ACADVL: variants seen among roughly 807,000 people sequenced by gnomAD.
ACADVL encodes acyl-CoA dehydrogenase very long chain.
A neutral mutation model predicts 80.4 loss-of-function variants in ACADVL; 73 were observed. The observed-to-expected ratio is 0.91, with a 90% confidence interval of 0.75 to 1.10. ACADVL has a LOEUF of 1.10. ACADVL is among the 50% of genes least tolerant of loss of function. ACADVL has a pLI of 0.00. For synonymous variants in ACADVL, 392 were observed against 326.5 expected, an observed-to-expected ratio of 1.20 and a Z score of -2.16; for missense variants, 878 against 858.9, an observed-to-expected ratio of 1.02 and a Z score of -0.28.
intron 4 of ACADVL, 36 bp downstream of exon 4, chr17:7,220,712 G>T (rs1453915636): frequency 6.2e-7 from 1 of 1,614,200 alleles, no homozygotes; most frequent in East Asian, 2.2e-5. Flanking sequence ...GGTGGGGCCA[G>T]GGTGGTTTCC....
upstream of ACADVL, chr17:7,218,953 C>A (rs908055482): frequency 4.6e-5 from 59 of 1,270,568 alleles, no homozygotes; most frequent in African/African-American, 1.3e-4. Context: ...GTCTCTGAGC[C>A]GACCAGCTGT....
At chr17:7,222,502 C>T (rs2071278322) in intron 9 of ACADVL, 165 bp from the exon 10 acceptor site, 2 of 1,134,756 alleles carry the variant, frequency 1.8e-6, no homozygotes, top group Non-Finnish European at 2.5e-6. Context: ...TAGGACATAG[C>T]CAGGCCTCCT....
Position 7,222,874 on chromosome 17 carries a change from C to A in ACADVL, c.1077+9C>A. 1 of 1,610,160 alleles carries A rather than the reference C, an allele frequency of 6.2e-7. No individual in the cohort carries two copies. Among genetic ancestry groups the A allele is most frequent in the Non-Finnish European group, 8.5e-7 (1 of 1,179,934 alleles). On this transcript the variant is annotated intron_variant, in intron 10 of 19. Transcript: ENST00000356839. ...GCATCATTGCTAAGGCGGTGAGTACCCTGCCCGAGTCCCTAGGTAACCCAA... is the reference window on the plus strand; with the variant it reads ...GCATCATTGCTAAGGCGGTGAGTACACTGCCCGAGTCCCTAGGTAACCCAA...
chr17:7,224,892 T>G lies in ACADVL; in HGVS notation c.1827+8T>G. On this transcript the variant is annotated splice_region_variant and intron_variant, in intron 19 of 19. Transcript: ENST00000356839. ...GACACCTGGTGTATCGAGGTGAGAC[T>G]CGGGGCTGCCAAGCTCAGGTGAGGG... 6.2e-7 allele frequency: 1 copy of G among 1,613,940 alleles called. No individual in the cohort carries two copies. Among genetic ancestry groups the G allele is most frequent in the South Asian group, 1.1e-5 (1 of 91,076 alleles).
intron 6 of ACADVL, 45 bp from the exon 7 acceptor site, chr17:7,221,493 C>G (rs766219940): frequency 1.2e-6 from 2 of 1,612,556 alleles, no homozygotes; most frequent in South Asian, 1.1e-5. Context: ...AAGGTCAGGT[C>G]CCCCTGCAGC....
intron 9 of ACADVL, 46 bp downstream of exon 9, chr17:7,222,348 T>C (rs372770241): frequency 1.4e-4 from 223 of 1,601,024 alleles, no homozygotes; most frequent in Non-Finnish European, 1.8e-4. Flanking sequence ...GGGGCAGGAC[T>C]GGGCTCCTGG....
In ACADVL at chr17:7,224,663, G is replaced by A. The variant is rs398123084; in HGVS notation, c.1700G>A (p.Arg567Gln). 8.7e-5 allele frequency: 134 copies of A among 1,547,226 alleles called. No individual in the cohort carries two copies. The Middle Eastern group carries it at 1.5e-3, about 17-fold the overall frequency. ...GIVNEQFLLQ[R>Q]LADGAIDLYA... The stretch of plus-strand genomic sequence containing the variant: ...ACAGATGAACAGTTTCTGCTGCAGC[G>A]GCTGGCAGACGGGGCCATCGACCTC... Residue 567 changes from arginine (R) to glutamine (Q), a missense_variant, in exon 18 of 20, where the codon CGG becomes CAG. Transcript: ENST00000356839.
chr17:7,221,767 TG>T, intron 7 of ACADVL, 85 bp downstream of exon 7: 4 of 1,604,944 alleles, frequency 2.5e-6, no homozygotes, highest in Non-Finnish European at 3.4e-6. Flanking sequence ...GATTATCAGA[TG>T]GCTGAGCATT....
intron 6 of ACADVL, 168 bp from the exon 7 acceptor site, chr17:7,221,370 C>T: frequency 1.6e-6 from 2 of 1,250,616 alleles, no homozygotes; most frequent in African/African-American, 1.5e-5. Flanking sequence ...CTGCTGTGCC[C>T]TTTGCACACC....
chr17:7,222,546 T>C, intron 9 of ACADVL, 121 bp from the exon 10 acceptor site: 1 of 1,205,056 alleles, frequency 8.3e-7, no homozygotes. Flanking sequence ...GTGGTGGCTG[T>C]AGCCTCTAAT....
rs1367195566 is a variant in ACADVL at position 7,222,004 on chromosome 17, A to G, written c.675A>G (p.Ala225=). The change falls in exon 8 of 20, where the codon GCA becomes GCG. Residue 225 remains alanine (A), a synonymous_variant. Transcript: ENST00000356839. ...CCGAGCCCTCAAGCGGGTCAGATGC[A>G]GCCTCCATCCGAACCTCTGCTGTGC... ...CLTEPSSGSD[A]ASIRTSAVPS... is the part of the protein sequence containing the mutation. The G allele has an allele frequency of 6.2e-7, 1 of 1,614,158 alleles. No homozygotes were observed. Among genetic ancestry groups the G allele is most frequent in the Admixed American group, 1.7e-5 (1 of 60,020 alleles).
At position 7,220,138 on chromosome 17, in the gene ACADVL, C is replaced by G; in HGVS notation, c.79C>G (p.Leu27Val). ...TCCCCACAGCTCGCGGCTCACGGCGCTCCTGGGGCAGCCCCGGCCCGGCCC... is the reference window on the plus strand; with the variant it reads ...TCCCCACAGCTCGCGGCTCACGGCGGTCCTGGGGCAGCCCCGGCCCGGCCC... The part of the protein sequence containing the change: ...LGGGSSRLTA[L>V]LGQPRPGPAR... Residue 27 changes from leucine to valine, a missense_variant, in exon 2 of 20, where the codon CTC becomes GTC. Coordinates refer to ENST00000356839, the MANE Select transcript of ACADVL (RefSeq NM_000018.4). 6.4e-7 allele frequency: 1 copy of G among 1,558,542 alleles called. No individual in the cohort carries two copies. Among genetic ancestry groups the G allele is most frequent in the Non-Finnish European group, 8.6e-7 (1 of 1,159,542 alleles).
chr17:7,221,095 AC>A, intron 6 of ACADVL, 37 bp downstream of exon 6: 1 of 1,611,962 alleles, frequency 6.2e-7, no homozygotes. Context: ...AGTATGCCAT[AC>A]CCCAGCTTGG....
intron 18 of ACADVL, 32 bp downstream of exon 18, chr17:7,224,746 C>A: frequency 6.2e-7 from 1 of 1,612,188 alleles, no homozygotes; most frequent in Non-Finnish European, 8.5e-7. Context: ...GCCTGAGCCG[C>A]AGGGGGCCTG....
chr17:7,220,443 G>A (rs778504571), intron 2 of ACADVL, 21 bp from the exon 3 acceptor site: 1 of 1,614,148 alleles, frequency 6.2e-7, no homozygotes, highest in Admixed American at 1.7e-5. Flanking sequence ...CCCTGAACTT[G>A]CTAACCGTCT....
chr17:7,221,600 C>A lies in ACADVL; in HGVS notation c.540C>A (p.Ala180=). The A allele has an allele frequency of 6.2e-7, 1 of 1,614,080 alleles. No individual in the cohort carries two copies. The highest frequency in any genetic ancestry group is 1.1e-5 in the South Asian group (1 of 91,086). Reference sequence around the variant, plus strand: ...TTGGCGTGGGCATTACCCTGGGGGCCCATCAGAGCATCGGTTTCAAAGGCA... The same window carrying A: ...TTGGCGTGGGCATTACCCTGGGGGCACATCAGAGCATCGGTTTCAAAGGCA... ...HDLGVGITLG[A]HQSIGFKGIL... Residue 180 remains alanine (A), a synonymous_variant, in exon 7 of 20, where the codon GCC becomes GCA. Transcript: ENST00000356839.
At position 7,220,923 on chromosome 17, in the gene ACADVL, G is replaced by C; in HGVS notation, c.343-1G>C. On this transcript the variant is annotated splice_acceptor_variant, in intron 5 of 19. Transcript: ENST00000356839. LOFTEE classifies it high-confidence loss of function. The stretch of plus-strand genomic sequence containing the variant: ...GATGTGGGATCCTGTGCCTTCCCCA[G>C]GAAGTGAACGATCCCGCCAAGAATG... 6.2e-7 allele frequency: 1 copy of C among 1,614,000 alleles called. No individual in the cohort carries two copies. The highest frequency in any genetic ancestry group is 1.1e-5 in the South Asian group (1 of 91,086).
At chr17:7,221,904 C>T in intron 7 of ACADVL, 48 bp from the exon 8 acceptor site, 3 of 1,613,748 alleles carry the variant, frequency 1.9e-6, no homozygotes, top group Non-Finnish European at 2.5e-6. Context: ...GCCGAGGGGA[C>T]TTTGAAGCTC....
In ACADVL at chr17:7,222,004, A is replaced by T; in HGVS notation, c.675A>T (p.Ala225=). Residue 225 remains alanine, a synonymous_variant, in exon 8 of 20, where the codon GCA becomes GCT. Coordinates refer to ENST00000356839, the MANE Select transcript of ACADVL (RefSeq NM_000018.4). ...CLTEPSSGSD[A]ASIRTSAVPS... is the part of the protein sequence containing the mutation. Reference sequence around the variant, plus strand: ...CCGAGCCCTCAAGCGGGTCAGATGCAGCCTCCATCCGAACCTCTGCTGTGC... The same window carrying T: ...CCGAGCCCTCAAGCGGGTCAGATGCTGCCTCCATCCGAACCTCTGCTGTGC... 6.2e-7 allele frequency: 1 copy of T among 1,614,158 alleles called. No homozygotes were observed. Among genetic ancestry groups the T allele is most frequent in the Non-Finnish European group, 8.5e-7 (1 of 1,180,036 alleles).
Sources: gnomAD v4.1 joint callset for allele counts on GRCh38, gnomAD v4.1.1 for gene constraint, MANE v1.5 for transcripts, NCBI Gene and HGNC (gene_info 2026-07-23, HGNC 2026-07-21) for gene names.